The following PARP15 variants were observed in gnomAD, a reference collection of about 807,000 sequenced individuals.
PARP15 encodes the protein protein mono-ADP-ribosyltransferase PARP15.
A neutral mutation model predicts 62.1 loss-of-function variants in PARP15; 50 were observed. The observed-to-expected ratio is 0.81, with a 90% CI of 0.64 to 1.02. The LOEUF is 1.02. Ranked by LOEUF, PARP15 falls within the 50% of genes least tolerant of loss-of-function variation. PARP15 has a pLI of 0.00. For missense variants in PARP15, 820 were observed against 826.5 expected (o/e 0.99, Z 0.10); for synonymous variants, 309 against 293.1 (o/e 1.05, Z -0.55).
intron 8 of PARP15, among the ~76,000 whole-genome samples, chr3:122,625,037 C>A (rs1461489152): frequency 6.6e-6 from 1 of 151,794 alleles, no homozygotes; most frequent in East Asian, 1.9e-4. Flanking sequence ...CATTTTTTTA[C>A]CATTATTATA....
chr3:122,587,427 T>C (rs1361294962), intron 1 of PARP15, among the ~76,000 whole-genome samples: 1 of 152,254 alleles, frequency 6.6e-6, no homozygotes. Flanking sequence ...CAAATGAGTG[T>C]TCCTGTTGCT....
In PARP15 at chr3:122,610,593, G is replaced by C. The variant is rs966440026; in HGVS notation, c.406G>C (p.Glu136Gln). ...LQKAGPMLQK[E>Q]LDDRRRETEE... ...GAAAGCTGGTCCCATGCTCCAGAAA[G>C]AGTTAGATGACAGAAGGCGGGAAAC... is the stretch of plus-strand genomic sequence containing the variant. The change falls in exon 3 of 12, where the codon GAG becomes CAG. Residue 136 changes from glutamate (E) to glutamine (Q), a missense_variant. Transcript: ENST00000464300. 1 of 1,551,758 alleles carries C rather than the reference G, an allele frequency of 6.4e-7. No individual in the cohort carries two copies. The highest frequency in any genetic ancestry group is 2.0e-5 in the Admixed American group (1 of 51,006).
At chr3:122,577,944 C>T in intron 1 of PARP15, 91 bp downstream of exon 1, 1 of 1,351,470 alleles carries the variant, frequency 7.4e-7, no homozygotes, top group Non-Finnish European at 9.8e-7. Context: ...GCGCAGAGAC[C>T]CCACGCCACG....
At chr3:122,583,096 T>A (rs1933090774) in intron 1 of PARP15, among the ~76,000 whole-genome samples, 1 of 150,208 alleles carries the variant, frequency 6.7e-6, no homozygotes, top group Non-Finnish European at 1.5e-5. Flanking sequence ...CTTTGTTTAC[T>A]AATTCTATCA....
chr3:122,584,971 T>C (rs1933305578), intron 1 of PARP15, among the ~76,000 whole-genome samples: 1 of 152,218 alleles, frequency 6.6e-6, no homozygotes, highest in South Asian at 2.1e-4. Flanking sequence ...TTGGTTTTTT[T>C]CCTTAAACCT....
chr3:122,579,270 T>G (rs2080749726), intron 1 of PARP15, among the ~76,000 whole-genome samples: 1 of 152,246 alleles, frequency 6.6e-6, no homozygotes, highest in South Asian at 2.1e-4. Flanking sequence ...CTCAATATTA[T>G]ATATGAGGTT....
At chr3:122,619,660 G>A (rs1000206379) in intron 6 of PARP15, 121 bp from the exon 7 acceptor site, 39 of 815,826 alleles carry the variant, frequency 4.8e-5, no homozygotes, top group African/African-American at 3.7e-4. Context: ...TTGGTCGGGC[G>A]TGGGGGTGGT....
At position 122,635,812 on chromosome 3, in the gene PARP15, T is replaced by TAA. The variant is rs1937328292; in HGVS notation, c.1749_1750insAA (p.Val584LysfsTer50). 6.2e-7 allele frequency: 1 copy of TAA among 1,612,322 alleles called. No individual in the cohort carries two copies. Among genetic ancestry groups the TAA allele is most frequent in the African/African-American group, 1.3e-5 (1 of 74,894 alleles). On this transcript the variant is annotated frameshift_variant and splice_region_variant, in exon 12 of 12. Coordinates refer to ENST00000464300, the MANE Select transcript of PARP15 (RefSeq NM_001113523.3). LOFTEE classifies it low-confidence loss of function (END_TRUNC). ...AGGTTTTTGTCTTTCTCTTTCCAGC[T>TAA]GTATCCTATGGAAAAGGAACCTATT...
intron 10 of PARP15, among the ~76,000 whole-genome samples, chr3:122,634,500 T>C (rs1189136614): frequency 6.6e-6 from 1 of 152,114 alleles, no homozygotes; most frequent in Non-Finnish European, 1.5e-5. Flanking sequence ...GGATGGCTCG[T>C]GGTTTGAAAT....
Position 122,583,382 on chromosome 3 carries a change from C to T in PARP15, c.186+5529C>T, listed in dbSNP as rs142171472. Among the ~76,000 whole-genome samples the T allele has an allele frequency of 5.1e-4, 78 of 152,118 alleles. 1 individual carries two copies. Among genetic ancestry groups the T allele is most frequent in the Non-Finnish European group, 8.1e-4 (55 of 67,986 alleles). ...CCTCAGGTGATCCACCCACTTCGGC[C>T]TCCCAAAGTGCTGGGATTACAGGCG... On this transcript the variant is annotated intron_variant, in intron 1 of 11. Coordinates refer to ENST00000464300, the MANE Select transcript of PARP15 (RefSeq NM_001113523.3).
chr3:122,589,517 G>A (rs561959568), intron 1 of PARP15, among the ~76,000 whole-genome samples: 5 of 152,100 alleles, frequency 3.3e-5, no homozygotes, highest in African/African-American at 7.2e-5. Context: ...TTCCTAAATC[G>A]TTGCCTTATT....
intron 1 of PARP15, chr3:122,594,545 A>G: frequency 1.0e-6 from 1 of 983,250 alleles, no homozygotes; most frequent in Non-Finnish European, 1.2e-6. Context: ...CTGTGTATTC[A>G]GGGTAGGCAA....
intron 8 of PARP15, 149 bp downstream of exon 8, chr3:122,621,760 G>T (rs1002117423): frequency 1.6e-6 from 1 of 642,898 alleles, no homozygotes; most frequent in Non-Finnish European, 2.4e-6. Flanking sequence ...GATCTGGAGG[G>T]CACCACCAGC....
intron 3 of PARP15, 120 bp from the exon 4 acceptor site, chr3:122,612,921 A>T: frequency 2.4e-6 from 2 of 821,506 alleles, no homozygotes; most frequent in East Asian, 2.7e-5. Flanking sequence ...CTGACTTCTC[A>T]GGCCCTGACT....
intron 1 of PARP15, 68 bp downstream of exon 1, chr3:122,577,921 G>T: frequency 2.1e-6 from 3 of 1,440,372 alleles, no homozygotes; most frequent in South Asian, 2.9e-5. Context: ...GCAAGACCCA[G>T]CAGCCCGAGC....
chr3:122,616,317 T>C (rs370261784), intron 5 of PARP15, among the ~76,000 whole-genome samples: 12 of 150,356 alleles, frequency 8.0e-5, no homozygotes, highest in African/African-American at 2.9e-4. Context: ...GGTAACTTCC[T>C]CTGAGCAGTC....
At chr3:122,618,519 C>G (rs912541775) in intron 6 of PARP15, among the ~76,000 whole-genome samples, 24 of 152,260 alleles carry the variant, frequency 1.6e-4, no homozygotes, top group African/African-American at 5.8e-4. Flanking sequence ...CTGCTGGTAT[C>G]TGGGAAGGCA....
rs1485107257 is a variant in PARP15, at chr3:122,580,131, A to T, written c.186+2278A>T. Reference sequence around the variant, plus strand: ...CCAAGCACACTTGAAAACAAAGTACATTCTCTCATTGGATAGAGTGTTCTA... The same window carrying T: ...CCAAGCACACTTGAAAACAAAGTACTTTCTCTCATTGGATAGAGTGTTCTA... On this transcript the variant is annotated intron_variant, in intron 1 of 11. Transcript: ENST00000464300. 4.6e-5 allele frequency among the ~76,000 whole-genome samples: 7 copies of T among 151,286 alleles called. No individual in the cohort carries two copies. In the East Asian group the frequency reaches 9.7e-4, roughly 21 times the overall value.
chr3:122,577,658 C>A lies in PARP15; in HGVS notation c.-10C>A, dbSNP rs1351569043. On this transcript the variant is annotated 5_prime_UTR_variant, in exon 1 of 12. Coordinates refer to ENST00000464300, the MANE Select transcript of PARP15 (RefSeq NM_001113523.3). ...GGGTGGGGCGCAACTGCAGTCCCAG[C>A]GAGCTGAGGATGGCTGCGCCAGGCC... 2.6e-6 allele frequency: 4 copies of A among 1,551,512 alleles called. No individual in the cohort carries two copies. The Admixed American group carries it at 7.8e-5, about 30-fold the overall frequency.
Sources: allele counts gnomAD v4.1 joint callset (sites outside exome capture counted in the v4.1 genomes callset), GRCh38; gene constraint gnomAD v4.1.1; transcripts MANE v1.5; gene names NCBI Gene and HGNC (gene_info 2026-07-23, HGNC 2026-07-21).